The following EEPD1 variants were observed in gnomAD, a reference collection of about 807,000 sequenced individuals.
The protein encoded by EEPD1 is endonuclease/exonuclease/phosphatase family domain containing 1, also known as endonuclease/exonuclease/phosphatase family domain-containing protein 1.
EEPD1 carries 17 observed loss-of-function variants against 46.3 expected under a neutral mutation model. The ratio of observed to expected loss-of-function variants is 0.37; its 90% CI spans 0.25 to 0.55. The LOEUF (loss-of-function observed/expected upper bound fraction) is 0.55, where lower values mean the gene tolerates loss of function less well. Ranked by LOEUF, EEPD1 falls within the 20% of genes least tolerant of loss-of-function variation. The pLI, the probability that EEPD1 is intolerant of heterozygous loss-of-function variation, is 0.83. For synonymous variants in EEPD1, 313 were observed against 315.6 expected (o/e 0.99, Z 0.09); for missense variants, 673 against 745.6 (o/e 0.90, Z 1.13).
At chr7:36,168,656 G>T (rs1195487183) in intron 2 of EEPD1, among the ~76,000 whole-genome samples, 1 of 111,396 alleles carries the variant, frequency 9.0e-6, no homozygotes, top group Non-Finnish European at 2.4e-5. Context: ...TACTCAAGAG[G>T]CTAAGGTGGG....
intron 2 of EEPD1, among the ~76,000 whole-genome samples, chr7:36,188,104 T>C (rs1464467731): frequency 6.6e-6 from 1 of 152,186 alleles, no homozygotes; most frequent in Non-Finnish European, 1.5e-5. Flanking sequence ...CCTGTGCTGG[T>C]ATTTTTTAAA....
chr7:36,245,031 C>T (rs1786614833), intron 3 of EEPD1, among the ~76,000 whole-genome samples: 1 of 151,796 alleles, frequency 6.6e-6, no homozygotes, highest in Non-Finnish European at 1.5e-5. Context: ...CTGCAACCTT[C>T]ACCTCCCAGG....
At chr7:36,196,496 C>A (rs141774837) in intron 2 of EEPD1, among the ~76,000 whole-genome samples, 1 of 152,100 alleles carries the variant, frequency 6.6e-6, no homozygotes, top group African/African-American at 2.4e-5. Flanking sequence ...CATCTTGGCT[C>A]GCTGCAGCCT....
chr7:36,290,718 A>G (rs377603179), intron 6 of EEPD1, among the ~76,000 whole-genome samples: 1 of 152,140 alleles, frequency 6.6e-6, no homozygotes, highest in East Asian at 1.9e-4. Context: ...CAGGGTGTGT[A>G]GTAACTCTTG....
At chr7:36,239,285 G>C (rs1338600396) in intron 3 of EEPD1, among the ~76,000 whole-genome samples, 1 of 152,120 alleles carries the variant, frequency 6.6e-6, no homozygotes, top group East Asian at 1.9e-4. Flanking sequence ...AAAGGCAGAG[G>C]CCCGTGCTGC....
At chr7:36,254,371 A>T (rs185088129) in intron 3 of EEPD1, among the ~76,000 whole-genome samples, 2 of 152,258 alleles carry the variant, frequency 1.3e-5, no homozygotes, top group African/African-American at 4.8e-5. Flanking sequence ...GAGTGAAAAC[A>T]TGCAGTGTTT....
intron 2 of EEPD1, among the ~76,000 whole-genome samples, chr7:36,209,009 G>T (rs1037569755): frequency 2.6e-5 from 4 of 152,186 alleles, no homozygotes; most frequent in Non-Finnish European, 5.9e-5. Context: ...AGCTAGACTG[G>T]TCTCAGGCCT....
chr7:36,282,420 A>G (rs117708755), intron 4 of EEPD1, among the ~76,000 whole-genome samples: 193 of 152,342 alleles, frequency 1.3e-3, no homozygotes, highest in Non-Finnish European at 2.4e-3. Context: ...TCTTTGCAAG[A>G]CACAGTGGGG....
chr7:36,283,760 G>A (rs1048127696), intron 4 of EEPD1, among the ~76,000 whole-genome samples: 61 of 152,220 alleles, frequency 4.0e-4, no homozygotes, highest in Admixed American at 1.8e-3. Flanking sequence ...ATGTGGCTTA[G>A]ACCAGAGCTG....
In EEPD1 at chr7:36,225,480, T is replaced by C. The variant is rs1232853325; in HGVS notation, c.879-13505T>C. On this transcript the variant is annotated intron_variant, in intron 2 of 7. Coordinates refer to ENST00000242108, the MANE Select transcript of EEPD1 (RefSeq NM_030636.3). The surrounding 1 kb of genome is among the most constrained non-coding windows in gnomAD (Gnocchi z 4.2). ...TCAAAGGCCTCACTCAACCACATTC[T>C]GAACAAACTCAGAAAGAGACGGCCA... Among the ~76,000 whole-genome samples, 1 of 152,128 alleles carries C rather than the reference T, an allele frequency of 6.6e-6. No homozygotes were observed.
chr7:36,238,145 C>A (rs1786490720), intron 2 of EEPD1, among the ~76,000 whole-genome samples: 1 of 152,094 alleles, frequency 6.6e-6, no homozygotes. Flanking sequence ...TGCTGGTGGG[C>A]ATGTCTTTTA....
intron 6 of EEPD1, among the ~76,000 whole-genome samples, chr7:36,291,079 C>G (rs1787423276): frequency 6.6e-6 from 1 of 152,206 alleles, no homozygotes; most frequent in South Asian, 2.1e-4. Flanking sequence ...ACCCTTGACA[C>G]CAGCGTCTCT....
chr7:36,240,873 C>G (rs1381198862), intron 3 of EEPD1, among the ~76,000 whole-genome samples: 4 of 152,106 alleles, frequency 2.6e-5, no homozygotes, highest in Non-Finnish European at 5.9e-5. Flanking sequence ...ATAAGGAGCG[C>G]ACAATCTGGG....
rs196589 is a variant in EEPD1 at position 36,284,826 on chromosome 7, C to T, written c.1176+6C>T. ...CATACCTCGGGAGGTTCAAGGTACCCGCTCCACGCCGTCTGTGACGTGGAA... is the reference window on the plus strand; with the variant it reads ...CATACCTCGGGAGGTTCAAGGTACCTGCTCCACGCCGTCTGTGACGTGGAA... On this transcript the variant is annotated splice_donor_region_variant and intron_variant, in intron 5 of 7. Coordinates refer to ENST00000242108, the MANE Select transcript of EEPD1 (RefSeq NM_030636.3). The T allele has an allele frequency of 0.096, 142,980 of 1,484,878 alleles. 7,600 individuals carry two copies. Among genetic ancestry groups the T allele is most frequent in the Non-Finnish European group, 0.11 (121,749 of 1,116,072 alleles). The allele number at this position is 1,484,878 out of a possible 1,614,324, so 92.0% of individuals were successfully genotyped here. A position where few individuals can be genotyped will look rare whatever the true frequency, so the allele number is the denominator to read the frequency against.
In EEPD1 at chr7:36,225,302, AAAG is replaced by A. The variant is rs370612506; in HGVS notation, c.879-13677_879-13675del. The stretch of plus-strand genomic sequence containing the variant: ...GAGAAAGATTCTGGAAAATATGAGA[AAAG>A]AAGAACAAGAGACAGGGTTATACAT... On this transcript the variant is annotated intron_variant, in intron 2 of 7. Coordinates refer to ENST00000242108, the MANE Select transcript of EEPD1 (RefSeq NM_030636.3). The surrounding 1 kb of genome is among the most constrained non-coding windows in gnomAD (Gnocchi z 4.2). Among the ~76,000 whole-genome samples the A allele has an allele frequency of 6.6e-6, 1 of 152,328 alleles. No individual in the cohort carries two copies. The highest frequency in any genetic ancestry group is 6.5e-5 in the Admixed American group (1 of 15,310).
intron 2 of EEPD1, among the ~76,000 whole-genome samples, chr7:36,157,401 C>G (rs1405679491): frequency 6.6e-6 from 1 of 152,236 alleles, no homozygotes. Context: ...CTGGCCTCAG[C>G]GCTGGCTCCA....
intron 3 of EEPD1, among the ~76,000 whole-genome samples, chr7:36,271,394 C>T (rs1485038998): frequency 6.6e-5 from 10 of 152,018 alleles, no homozygotes; most frequent in African/African-American, 1.7e-4. Flanking sequence ...GTTTGTTGGC[C>T]GCATAAATAT....
intron 2 of EEPD1, among the ~76,000 whole-genome samples, chr7:36,236,248 G>C (rs1339884230): frequency 6.6e-6 from 1 of 152,242 alleles, no homozygotes; most frequent in Non-Finnish European, 1.5e-5. Flanking sequence ...TCTGGGGCTG[G>C]CGAGGCCGGA....
intron 3 of EEPD1, among the ~76,000 whole-genome samples, chr7:36,277,261 G>C (rs1351959589): frequency 6.6e-6 from 1 of 152,238 alleles, no homozygotes; most frequent in Non-Finnish European, 1.5e-5. Flanking sequence ...CCCGCTAACT[G>C]TGTAACCTTG....
Sources: gnomAD v4.1 joint callset for allele counts (sites outside exome capture counted in the v4.1 genomes callset) on GRCh38, gnomAD v4.1.1 for gene constraint, Gnocchi (gnomAD v3.1) non-coding constraint, MANE v1.5 for transcripts, NCBI Gene and HGNC (gene_info 2026-07-23, HGNC 2026-07-21) for gene names.